CACNA2D3: variants seen among roughly 807,000 people sequenced by gnomAD.
The protein encoded by CACNA2D3 is calcium voltage-gated channel auxiliary subunit alpha2delta 3, also known as voltage-dependent calcium channel subunit alpha-2/delta-3.
A neutral mutation model predicts 160.6 loss-of-function variants in CACNA2D3; 60 were observed. The ratio of observed to expected loss-of-function variants is 0.37; its 90% CI spans 0.30 to 0.46. The LOEUF is 0.46. Ranked by LOEUF, CACNA2D3 falls within the 20% of genes least tolerant of loss-of-function variation. The pLI, the probability that CACNA2D3 is intolerant of heterozygous loss-of-function variation, is 1.00. For synonymous variants in CACNA2D3, 558 were observed against 492.9 expected (o/e 1.13, Z -1.75); for missense variants, 1,205 against 1,365.0 (o/e 0.88, Z 1.85).
In CACNA2D3 at chr3:54,316,888, G is replaced by A. The variant is rs1278137555; in HGVS notation, c.205-3554G>A. Among the ~76,000 whole-genome samples the A allele has an allele frequency of 2.6e-5, 4 of 152,084 alleles. No individual in the cohort carries two copies. In the South Asian group the frequency reaches 6.2e-4, roughly 24 times the overall value. On this transcript the variant is annotated intron_variant, in intron 2 of 37. Coordinates refer to ENST00000474759, the MANE Select transcript of CACNA2D3 (RefSeq NM_018398.3). Reference sequence around the variant, plus strand: ...AGATATGGCCAGAATATTGGGGCCTGGTTTAAAACCAAAAACTTCAGATAA... The same window carrying A: ...AGATATGGCCAGAATATTGGGGCCTAGTTTAAAACCAAAAACTTCAGATAA...
intron 10 of CACNA2D3, among the ~76,000 whole-genome samples, chr3:54,640,659 T>C (rs537412520): frequency 6.6e-6 from 1 of 152,304 alleles, no homozygotes; most frequent in African/African-American, 2.4e-5. Context: ...TATAAACTAA[T>C]ATGTAAGTTT....
rs558546822 is a variant in CACNA2D3, at chr3:54,582,385, C to T, written c.963+508C>T. On this transcript the variant is annotated intron_variant, in intron 9 of 37. Transcript: ENST00000474759. ...CCATTAATATTGTGGAACAAAAGGA[C>T]GATACGTTAAAGGAGAATCTTACAC... is the stretch of plus-strand genomic sequence containing the variant. Among the ~76,000 whole-genome samples the T allele has an allele frequency of 4.6e-5, 7 of 152,274 alleles. No individual in the cohort carries two copies. The East Asian group carries it at 5.8e-4, about 13-fold the overall frequency.
intron 27 of CACNA2D3, among the ~76,000 whole-genome samples, chr3:54,905,380 G>A (rs975500758): frequency 4.6e-5 from 7 of 152,104 alleles, no homozygotes; most frequent in Admixed American, 1.3e-4. Context: ...TTTACTATGG[G>A]CCCTTCATTA....
intron 2 of CACNA2D3, among the ~76,000 whole-genome samples, chr3:54,176,280 G>T (rs1488928812): frequency 6.6e-6 from 1 of 152,168 alleles, no homozygotes; most frequent in Non-Finnish European, 1.5e-5. Flanking sequence ...TTTTCCAAAT[G>T]GTTTGCTTAG....
At chr3:55,015,093 A>G (rs1703300812) in intron 34 of CACNA2D3, among the ~76,000 whole-genome samples, 2 of 152,248 alleles carry the variant, frequency 1.3e-5, no homozygotes, top group Non-Finnish European at 2.9e-5. Flanking sequence ...TATTGGACTC[A>G]TTCCATTGTA....
intron 6 of CACNA2D3, among the ~76,000 whole-genome samples, chr3:54,563,581 T>G (rs954004575): frequency 6.6e-6 from 1 of 152,194 alleles, no homozygotes; most frequent in Non-Finnish European, 1.5e-5. Context: ...GGATTTTAAT[T>G]CTGGCTTGGT....
In CACNA2D3 at chr3:54,952,326, G is replaced by A. The variant is rs572349789; in HGVS notation, c.2450-16124G>A. Among the ~76,000 whole-genome samples, 383 of 152,300 alleles carry A rather than the reference G, an allele frequency of 2.5e-3. 2 individuals are homozygous for A. The highest frequency in any genetic ancestry group is 6.8e-3 in the Middle Eastern group (2 of 294). On this transcript the variant is annotated intron_variant, in intron 27 of 37. Coordinates refer to ENST00000474759, the MANE Select transcript of CACNA2D3 (RefSeq NM_018398.3). ...TCTGATCTCTCTGGGGCCCTGCCTA[G>A]TTTCCCAGGAGGCTCCCCAGTTGTC...
At chr3:54,454,296 TTATG>T (rs1398316584) in intron 4 of CACNA2D3, among the ~76,000 whole-genome samples, 1 of 152,178 alleles carries the variant, frequency 6.6e-6, no homozygotes, top group Non-Finnish European at 1.5e-5. Flanking sequence ...ATGCATTCCT[TTATG>T]TAGCCAACAT....
At chr3:54,592,426 T>G (rs1702878879) in intron 9 of CACNA2D3, among the ~76,000 whole-genome samples, 2 of 152,190 alleles carry the variant, frequency 1.3e-5, no homozygotes, top group Non-Finnish European at 2.9e-5. Flanking sequence ...GAGTTTTGCT[T>G]TGCTGTTTTA....
chr3:54,570,507 G>GATA lies in CACNA2D3; in HGVS notation c.888+418_888+420dup, dbSNP rs200737510. 0.02 allele frequency among the ~76,000 whole-genome samples: 3,030 copies of GATA among 151,670 alleles called. 151 individuals carry two copies. The East Asian group carries it at 0.2, about 10-fold the overall frequency. On this transcript the variant is annotated intron_variant, in intron 8 of 37. Coordinates refer to ENST00000474759, the MANE Select transcript of CACNA2D3 (RefSeq NM_018398.3). Reference sequence around the variant, plus strand: ...GATGATATTGACGATGATAATAATTGATAATAATAATAATAATGGCAATGA... The same window carrying GATA: ...GATGATATTGACGATGATAATAATTGATAATAATAATAATAATAATGGCAATGA...
chr3:54,149,928 T>TCTCTCTCTCTCTCTCTCCCTCCCTCC (rs1559863335), intron 2 of CACNA2D3, among the ~76,000 whole-genome samples: 5 of 35,556 alleles, frequency 1.4e-4, no homozygotes, highest in African/African-American at 7.4e-4. Flanking sequence ...TCTCTCTCTC[T>TCTCTCTCTCTCTCTCTCCCTCCCTCC]CTCCCTCCCT....
intron 29 of CACNA2D3, among the ~76,000 whole-genome samples, chr3:54,972,133 A>G (rs1309789144): frequency 6.6e-6 from 1 of 152,356 alleles, no homozygotes; most frequent in East Asian, 1.9e-4. Flanking sequence ...TAGTAAGCAC[A>G]GGCTACGACC....
intron 35 of CACNA2D3, among the ~76,000 whole-genome samples, chr3:55,024,213 A>T (rs180777032): frequency 2.9e-4 from 43 of 150,016 alleles, no homozygotes; most frequent in African/African-American, 1.0e-3. Context: ...TAACTCCATG[A>T]AGTTCTGCTT....
intron 29 of CACNA2D3, among the ~76,000 whole-genome samples, chr3:54,981,684 G>A (rs1166359222): frequency 1.3e-5 from 2 of 152,202 alleles, no homozygotes; most frequent in African/African-American, 2.4e-5. Flanking sequence ...AGCCCTGGGA[G>A]CCAAGCCGCA....
At chr3:54,493,054 T>G (rs1489067600) in intron 4 of CACNA2D3, among the ~76,000 whole-genome samples, 1 of 139,756 alleles carries the variant, frequency 7.2e-6, no homozygotes, top group African/African-American at 2.7e-5. Context: ...GAGGTATTGC[T>G]CAAAACTTTT....
intron 4 of CACNA2D3, among the ~76,000 whole-genome samples, chr3:54,491,247 T>C (rs1701104010): frequency 1.3e-5 from 2 of 152,020 alleles, no homozygotes; most frequent in Non-Finnish European, 1.5e-5. Context: ...TCTTAGGGAG[T>C]TTGCAGCCAG....
At chr3:54,266,794 C>T (rs1237264840) in intron 2 of CACNA2D3, among the ~76,000 whole-genome samples, 2 of 152,202 alleles carry the variant, frequency 1.3e-5, no homozygotes, top group African/African-American at 4.8e-5. Context: ...TAGAGACTGG[C>T]TTACTCCACC....
chr3:54,956,297 G>A (rs1300999825), intron 27 of CACNA2D3, among the ~76,000 whole-genome samples: 2 of 152,210 alleles, frequency 1.3e-5, no homozygotes, highest in Non-Finnish European at 2.9e-5. Flanking sequence ...TGTTCCTGGT[G>A]TAGTCATCCT....
chr3:55,019,390 G>C (rs1408264039), intron 35 of CACNA2D3, among the ~76,000 whole-genome samples: 1 of 151,818 alleles, frequency 6.6e-6, no homozygotes, highest in Non-Finnish European at 1.5e-5. Context: ...GTAAGTGATA[G>C]ATCAATTTAA....
Sources: gnomAD v4.1 joint callset for allele counts (sites outside exome capture counted in the v4.1 genomes callset) on GRCh38, gnomAD v4.1.1 for gene constraint, MANE v1.5 for transcripts, NCBI Gene and HGNC (gene_info 2026-07-23, HGNC 2026-07-21) for gene names.